The following MEI1 variants were observed in gnomAD, a reference collection of about 807,000 sequenced individuals.
The protein encoded by MEI1 is meiotic double-stranded break formation protein 1, also known as meiosis inhibitor protein 1.
Under a neutral mutation model 146.2 loss-of-function variants are expected in MEI1, and 103 were observed. The ratio of observed to expected loss-of-function variants is 0.70; its 90% CI spans 0.60 to 0.83. The LOEUF (loss-of-function observed/expected upper bound fraction) is 0.83, where lower values mean the gene tolerates loss of function less well. Among genes scored for constraint, MEI1 ranks in the 40% least tolerant of loss-of-function variants. MEI1 has a pLI of 0.00. For missense variants in MEI1, 1,529 were observed against 1,533.0 expected, an observed-to-expected ratio of 1.00 and a Z score of 0.04; for synonymous variants, 652 against 628.2, an observed-to-expected ratio of 1.04 and a Z score of -0.57.
At chr22:41,752,792 G>T in intron 16 of MEI1, 141 bp downstream of exon 16, 1 of 752,908 alleles carries the variant, frequency 1.3e-6, no homozygotes, top group African/African-American at 1.7e-5. Flanking sequence ...TCAGCATCTG[G>T]TGCAATAAGC....
At position 41,737,452 on chromosome 22, in the gene MEI1, G is replaced by A. The variant is rs550149702; in HGVS notation, c.1331+4849G>A. 5.3e-5 allele frequency among the ~76,000 whole-genome samples: 8 copies of A among 152,160 alleles called. No individual in the cohort carries two copies. In the South Asian group the frequency reaches 1.7e-3, roughly 32 times the overall value. On this transcript the variant is annotated intron_variant, in intron 11 of 30. Transcript: ENST00000401548. ...GAAGGGGTTTCAGTGTGTTAGCCAG[G>A]ATGATCTCGATCTCCTGACCTCATG...
In MEI1 at chr22:41,781,685, C is replaced by T; in HGVS notation, c.2927C>T (p.Ala976Val). 6.2e-7 allele frequency: 1 copy of T among 1,612,888 alleles called. No individual in the cohort carries two copies. The stretch of plus-strand genomic sequence containing the variant: ...GCCCTGCCTTGCCCACCCCCGACAG[C>T]TGCTGCAGTGCTCCTGAGCAGCACA... The part of the protein sequence containing the change: ...HQTTPSSQKR[A>V]AAVLLSSTGL... The change falls in exon 24 of 31, where the codon GCT becomes GTT. Residue 976 changes from alanine to valine, a missense_variant and splice_region_variant. Physicochemically the swap from Ala to Val is moderately conservative, Grantham distance 64. This residue lies in a region of MEI1 where 1,212 missense variants were observed against 1,178.9 expected (regional missense o/e 1.03). Transcript: ENST00000401548.
At chr22:41,721,208 G>A (rs1482876827) in intron 6 of MEI1, among the ~76,000 whole-genome samples, 1 of 148,952 alleles carries the variant, frequency 6.7e-6, no homozygotes, top group Non-Finnish European at 1.5e-5. Context: ...AAAGTGCTGG[G>A]ATTACAGGTG....
chr22:41,704,438 G>T (rs1452709920), intron 2 of MEI1, among the ~76,000 whole-genome samples: 1 of 147,230 alleles, frequency 6.8e-6, no homozygotes, highest in African/African-American at 2.6e-5. Flanking sequence ...TTTTGAGATG[G>T]TGTCTCGCTC....
chr22:41,787,050 A>G (rs573272848), intron 26 of MEI1, among the ~76,000 whole-genome samples: 2 of 152,260 alleles, frequency 1.3e-5, no homozygotes, highest in African/African-American at 2.4e-5. Context: ...TCAAACATCT[A>G]TCCTATTATA....
chr22:41,724,490 C>T (rs1601754464), intron 7 of MEI1, among the ~76,000 whole-genome samples: 1 of 151,844 alleles, frequency 6.6e-6, no homozygotes, highest in Non-Finnish European at 1.5e-5. Context: ...TGGTGGCACA[C>T]ACCTGTAGTC....
At chr22:41,708,119 C>G (rs2069241598) in intron 3 of MEI1, among the ~76,000 whole-genome samples, 1 of 152,210 alleles carries the variant, frequency 6.6e-6, no homozygotes, top group Admixed American at 6.5e-5. Flanking sequence ...TAAATTCAAT[C>G]ACAGTCCTAT....
At chr22:41,765,066 G>A (rs1364253548) in intron 19 of MEI1, among the ~76,000 whole-genome samples, 2 of 152,082 alleles carry the variant, frequency 1.3e-5, no homozygotes, top group Admixed American at 6.5e-5. Flanking sequence ...GTGCAATGGC[G>A]CCATCTTGGC....
At chr22:41,740,115 G>T (rs2072734072) in intron 11 of MEI1, among the ~76,000 whole-genome samples, 9 of 151,942 alleles carry the variant, frequency 5.9e-5, no homozygotes, top group Admixed American at 5.9e-4. Context: ...CACCTCCCAG[G>T]TTCAAACGAT....
chr22:41,703,491 T>A (rs1306458223), intron 2 of MEI1, 37 bp downstream of exon 2: 1 of 1,497,970 alleles, frequency 6.7e-7, no homozygotes, highest in Non-Finnish European at 8.9e-7. Context: ...GAGTTTTGAA[T>A]GTATAGTATG....
intron 3 of MEI1, among the ~76,000 whole-genome samples, chr22:41,708,480 G>T (rs1172793297): frequency 6.6e-6 from 1 of 151,752 alleles, no homozygotes; most frequent in Non-Finnish European, 1.5e-5. Flanking sequence ...TGGTATTTCA[G>T]GCAGGACATG....
chr22:41,774,668 T>TA (rs2075352677), intron 20 of MEI1, among the ~76,000 whole-genome samples: 1 of 152,222 alleles, frequency 6.6e-6, no homozygotes, highest in South Asian at 2.1e-4. Context: ...ACTTTCTTGA[T>TA]ATGCAAACTG....
At position 41,760,749 on chromosome 22, in the gene MEI1, TACGTGGCAGGGGCTGCATGC is replaced by T. The variant is rs1397668815; in HGVS notation, c.2120+2219_2120+2238del. Among the ~76,000 whole-genome samples, 3 of 152,246 alleles carry T rather than the reference TACGTGGCAGGGGCTGCATGC, an allele frequency of 2.0e-5. No homozygotes were observed. The South Asian group carries it at 6.2e-4, about 32-fold the overall frequency. ...GTGATTGATTTGAGCAAGCAAGGGG[TACGTGGCAGGGGCTGCATGC>T]ACCGGCGGTCAGAGTGAAACAGAAC... On this transcript the variant is annotated intron_variant, in intron 18 of 30. Transcript: ENST00000401548.
intron 19 of MEI1, chr22:41,767,456 C>T (rs1201041517): frequency 2.5e-6 from 1 of 397,774 alleles, no homozygotes; most frequent in Admixed American, 2.5e-5. Context: ...GAGATACACA[C>T]TGATGTGTGT....
chr22:41,788,177 G>A (rs1307310760), intron 26 of MEI1, among the ~76,000 whole-genome samples: 1 of 151,836 alleles, frequency 6.6e-6, no homozygotes, highest in Non-Finnish European at 1.5e-5. Flanking sequence ...CTACAGGTAC[G>A]CACCACAATG....
rs146434777 is a variant in MEI1 at position 41,753,636 on chromosome 22, C to T, written c.1854-313C>T. On this transcript the variant is annotated intron_variant, in intron 16 of 30. Transcript: ENST00000401548. ...CTAGGATTACAGGTGTGTGCCACCA[C>T]GCCAGGCTAATTTTGTATTTTTAGT... 1.1e-3 allele frequency: 220 copies of T among 194,518 alleles called. 1 individual carries two copies. The highest frequency in any genetic ancestry group is 4.3e-3 in the African/African-American group (184 of 42,862). 12.0% of individuals were successfully genotyped at this position (194,518 alleles called of 1,614,324 possible).
At chr22:41,703,296 G>T in intron 1 of MEI1, 35 bp from the exon 2 acceptor site, 1 of 1,603,450 alleles carries the variant, frequency 6.2e-7, no homozygotes, top group East Asian at 2.2e-5. Context: ...CCAAAATTTG[G>T]TTGCTATTGA....
At chr22:41,715,998 C>T (rs564208420) in intron 4 of MEI1, 43 bp from the exon 5 acceptor site, 3 of 1,420,792 alleles carry the variant, frequency 2.1e-6, no homozygotes, top group African/African-American at 1.4e-5. Context: ...GAAGATCTGT[C>T]CTGATCCTAA....
chr22:41,729,589 C>T, intron 7 of MEI1, 76 bp from the exon 8 acceptor site: 1 of 860,040 alleles, frequency 1.2e-6, no homozygotes, highest in South Asian at 1.4e-5. Context: ...AGGCTATTGC[C>T]CTGAGGCACC....
Sources: allele counts gnomAD v4.1 joint callset (sites outside exome capture counted in the v4.1 genomes callset), GRCh38; gene constraint gnomAD v4.1.1; regional missense constraint gnomAD v4.1.1; transcripts MANE v1.5; gene names NCBI Gene and HGNC (gene_info 2026-07-23, HGNC 2026-07-21).